The following ATRNL1 variants were observed in gnomAD, a reference collection of about 807,000 sequenced individuals.
ATRNL1 encodes the protein attractin like 1, also known as attractin-like protein 1.
In ATRNL1, 95 loss-of-function variants were observed where a neutral mutation model predicts 182.7. That is an observed-to-expected ratio of 0.52 (90% CI 0.44 to 0.62). The LOEUF (loss-of-function observed/expected upper bound fraction) is 0.62. ATRNL1 is among the 20% of genes least tolerant of loss of function. The pLI is 0.00. For synonymous variants in ATRNL1, 576 were observed against 568.3 expected (o/e 1.01, Z -0.19); for missense variants, 1,471 against 1,679.5 (o/e 0.88, Z 2.17).
chr10:115,771,847 C>T (rs1949001454), intron 27 of ATRNL1, among the ~76,000 whole-genome samples: 1 of 152,146 alleles, frequency 6.6e-6, no homozygotes, highest in South Asian at 2.1e-4. Context: ...TATTTCTTCA[C>T]ATTCTTTTCT....
At chr10:115,591,340 A>G (rs1257676568) in intron 26 of ATRNL1, among the ~76,000 whole-genome samples, 1 of 152,100 alleles carries the variant, frequency 6.6e-6, no homozygotes, top group Non-Finnish European at 1.5e-5. Flanking sequence ...AAAATTATGA[A>G]TCTTGGGGCT....
At chr10:115,485,906 C>T (rs1162410071) in intron 24 of ATRNL1, among the ~76,000 whole-genome samples, 2 of 151,068 alleles carry the variant, frequency 1.3e-5, no homozygotes, top group South Asian at 2.1e-4. Context: ...CCCCCACCCC[C>T]CAATAGGCCC....
intron 19 of ATRNL1, among the ~76,000 whole-genome samples, chr10:115,392,862 C>A (rs2134274213): frequency 6.6e-6 from 1 of 152,296 alleles, no homozygotes; most frequent in Admixed American, 6.5e-5. Context: ...TAGATGCTGG[C>A]TAGCTGGAAG....
chr10:115,928,597 T>C (rs782034898), intron 28 of ATRNL1, among the ~76,000 whole-genome samples: 3 of 151,960 alleles, frequency 2.0e-5, no homozygotes, highest in Non-Finnish European at 4.4e-5. Context: ...GTCTATTGAT[T>C]AGTTAATTAT....
intron 26 of ATRNL1, among the ~76,000 whole-genome samples, chr10:115,688,277 C>T (rs1309782522): frequency 6.6e-6 from 1 of 152,082 alleles, no homozygotes; most frequent in Admixed American, 6.6e-5. Flanking sequence ...TGGCAGTAAC[C>T]ATGTGAGTCC....
intron 26 of ATRNL1, among the ~76,000 whole-genome samples, chr10:115,615,983 G>T (rs1040121971): frequency 1.3e-5 from 2 of 152,164 alleles, no homozygotes; most frequent in African/African-American, 4.8e-5. Flanking sequence ...AATGGGCAGT[G>T]GTTGAAATAG....
At chr10:115,576,317 C>T (rs917824393) in intron 26 of ATRNL1, among the ~76,000 whole-genome samples, 13 of 152,020 alleles carry the variant, frequency 8.6e-5, no homozygotes, top group African/African-American at 3.1e-4. Context: ...AATCTCAATA[C>T]TGTTTTCAAT....
chr10:115,936,599 A>C (rs2134608489), intron 28 of ATRNL1, among the ~76,000 whole-genome samples: 1 of 152,324 alleles, frequency 6.6e-6, no homozygotes, highest in South Asian at 2.1e-4. Flanking sequence ...ATAGTTTATA[A>C]AACACTTTCA....
At chr10:115,512,449 T>A (rs1554982869) in intron 24 of ATRNL1, among the ~76,000 whole-genome samples, 1 of 151,842 alleles carries the variant, frequency 6.6e-6, no homozygotes, top group Non-Finnish European at 1.5e-5. Context: ...CTAAGAATAC[T>A]CCTGTGCTAA....
chr10:115,439,917 AATG>A, intron 21 of ATRNL1, among the ~76,000 whole-genome samples: 1 of 152,040 alleles, frequency 6.6e-6, no homozygotes, highest in African/African-American at 2.4e-5. Flanking sequence ...GTGTTTACCA[AATG>A]ATGATTTTCT....
At chr10:115,275,253 G>C (rs1852053800) in intron 13 of ATRNL1, among the ~76,000 whole-genome samples, 1 of 152,122 alleles carries the variant, frequency 6.6e-6, no homozygotes, top group African/African-American at 2.4e-5. Flanking sequence ...GGGACCCAGT[G>C]GGCCCACTGT....
chr10:115,939,855 A>G (rs1445451222), intron 28 of ATRNL1, among the ~76,000 whole-genome samples: 2 of 152,158 alleles, frequency 1.3e-5, no homozygotes, highest in Non-Finnish European at 2.9e-5. Flanking sequence ...TCACCAGGAA[A>G]AATTCTCAGG....
At chr10:115,830,625 T>C (rs550142457) in intron 27 of ATRNL1, among the ~76,000 whole-genome samples, 1 of 152,206 alleles carries the variant, frequency 6.6e-6, no homozygotes, top group Non-Finnish European at 1.5e-5. Context: ...TATAGCAGTA[T>C]CTGAAAATGT....
intron 25 of ATRNL1, among the ~76,000 whole-genome samples, chr10:115,530,867 G>A (rs1554988038): frequency 6.8e-6 from 1 of 146,346 alleles, no homozygotes; most frequent in Non-Finnish European, 1.5e-5. Context: ...CTATGAGTGA[G>A]AACATGTGGT....
chr10:115,921,091 A>G (rs546070982), intron 28 of ATRNL1, among the ~76,000 whole-genome samples: 589 of 152,288 alleles, frequency 3.9e-3, no homozygotes, highest in Non-Finnish European at 6.1e-3. Flanking sequence ...TTTAGAAGAC[A>G]TTTTTGGAGT....
intron 27 of ATRNL1, among the ~76,000 whole-genome samples, chr10:115,760,482 A>G (rs1219811093): frequency 6.6e-6 from 1 of 152,132 alleles, no homozygotes; most frequent in Non-Finnish European, 1.5e-5. Flanking sequence ...AAAATTGAAT[A>G]AAACAATTTA....
chr10:115,372,856 C>A lies in ATRNL1; in HGVS notation c.3176-21803C>A, dbSNP rs536645989. On this transcript the variant is annotated intron_variant, in intron 19 of 28. Transcript: ENST00000355044. ...CTCATTATTGCTATGGCTATATGAGCTATTTTGTGGTTCCATAATTTTAGG... is the reference window on the plus strand; with the variant it reads ...CTCATTATTGCTATGGCTATATGAGATATTTTGTGGTTCCATAATTTTAGG... Among the ~76,000 whole-genome samples, 39 of 152,188 alleles carry A rather than the reference C, an allele frequency of 2.6e-4. 1 individual carries two copies. The highest frequency in any genetic ancestry group is 8.2e-4 in the African/African-American group (34 of 41,544).
intron 27 of ATRNL1, among the ~76,000 whole-genome samples, chr10:115,738,041 G>A (rs965399338): frequency 2.0e-5 from 3 of 151,100 alleles, no homozygotes; most frequent in African/African-American, 4.9e-5. Context: ...TTAAGAGAGG[G>A]AGATGATTTT....
chr10:115,228,951 T>C (rs1451635578), intron 9 of ATRNL1, among the ~76,000 whole-genome samples: 1 of 151,512 alleles, frequency 6.6e-6, no homozygotes, highest in East Asian at 1.9e-4. Flanking sequence ...ATTTTTAGTA[T>C]AGATGGGGTT....
Sources: allele counts gnomAD v4.1 joint callset (sites outside exome capture counted in the v4.1 genomes callset), GRCh38; gene constraint gnomAD v4.1.1; transcripts MANE v1.5; gene names NCBI Gene and HGNC (gene_info 2026-07-23, HGNC 2026-07-21).